Variants in SULF1 observed in about 807,000 individuals in gnomAD.
The protein encoded by SULF1 is extracellular sulfatase Sulf-1.
In SULF1, 46 loss-of-function variants were observed where a neutral mutation model predicts 110.5. The ratio of observed to expected loss-of-function variants is 0.42; its 90% CI spans 0.33 to 0.53. SULF1 has a LOEUF of 0.53. SULF1 is among the 20% of genes least tolerant of loss of function. The probability of loss-of-function intolerance (pLI) is 0.12; values close to 1 mark genes in which losing one functional copy is unlikely to be tolerated. For missense variants in SULF1, 941 were observed against 1,094.2 expected (o/e 0.86, Z 1.98); for synonymous variants, 371 against 387.1 (o/e 0.96, Z 0.49).
At chr8:69,548,127 G>A (rs16936060) in intron 3 of SULF1, among the ~76,000 whole-genome samples, 1,576 of 152,212 alleles carry the variant, frequency 0.01, 28 homozygotes, top group African/African-American at 0.036. Flanking sequence ...AGACCCTCAC[G>A]TCTTCATTCT....
chr8:69,489,847 G>A (rs1226539203), upstream of SULF1, among the ~76,000 whole-genome samples: 1 of 151,832 alleles, frequency 6.6e-6, no homozygotes, highest in Non-Finnish European at 1.5e-5. Flanking sequence ...CCCGGCCCCC[G>A]CCTTCCGTTT....
At chr8:69,475,381 A>G (rs979812325) in intron 1 of SULF1, among the ~76,000 whole-genome samples, 2 of 151,468 alleles carry the variant, frequency 1.3e-5, no homozygotes, top group African/African-American at 4.9e-5. Context: ...AGAGGGGGAT[A>G]ACAAGACAAT....
intron 3 of SULF1, among the ~76,000 whole-genome samples, chr8:69,538,644 A>G (rs1204713931): frequency 6.6e-6 from 1 of 151,848 alleles, no homozygotes; most frequent in South Asian, 2.1e-4. Context: ...AAACCTTCCA[A>G]CACTATAGTC....
At chr8:69,531,338 C>T (rs1238303459) in intron 3 of SULF1, among the ~76,000 whole-genome samples, 1 of 152,116 alleles carries the variant, frequency 6.6e-6, no homozygotes, top group African/African-American at 2.4e-5. Flanking sequence ...ATAACAGTAT[C>T]CCTTTTAAAT....
intron 1 of SULF1, among the ~76,000 whole-genome samples, chr8:69,479,179 T>C (rs1809418651): frequency 3.3e-5 from 5 of 152,180 alleles, no homozygotes; most frequent in African/African-American, 9.7e-5. Context: ...TGAAATTGTA[T>C]AGCTGGGTGT....
At chr8:69,537,652 A>AG (rs1239683880) in intron 3 of SULF1, among the ~76,000 whole-genome samples, 1 of 152,200 alleles carries the variant, frequency 6.6e-6, no homozygotes, top group East Asian at 1.9e-4. Context: ...TTTACCACAA[A>AG]GGGGGAAACA....
intron 5 of SULF1, among the ~76,000 whole-genome samples, chr8:69,573,412 G>A (rs978899609): frequency 3.9e-5 from 6 of 152,152 alleles, no homozygotes; most frequent in East Asian, 1.9e-4. Context: ...TTTCTACCTC[G>A]GTCCCATATT....
At chr8:69,471,026 C>T (rs1164211260) in intron 1 of SULF1, among the ~76,000 whole-genome samples, 1 of 152,024 alleles carries the variant, frequency 6.6e-6, no homozygotes, top group African/African-American at 2.4e-5. Flanking sequence ...TCATCCTTAT[C>T]ACCTCTATAT....
intron 1 of SULF1, among the ~76,000 whole-genome samples, chr8:69,481,736 G>A (rs1026614949): frequency 6.6e-6 from 1 of 152,072 alleles, no homozygotes; most frequent in Non-Finnish European, 1.5e-5. Context: ...CTCTTCCTGA[G>A]TTAGTTTGCT....
At chr8:69,627,091 C>T (rs541199077) in intron 15 of SULF1, 119 bp from the exon 16 acceptor site, 20 of 723,440 alleles carry the variant, frequency 2.8e-5, no homozygotes, top group South Asian at 5.1e-5. Flanking sequence ...ATCAGCTCAA[C>T]GGTTACTGCA....
At position 69,508,509 on chromosome 8, in the gene SULF1, A is replaced by T. The variant is rs71517248; in HGVS notation, c.-134+6541A>T. Reference sequence around the variant, plus strand: ...AAGAAAGTGCTTAATATTCTTTTCTATTTGTTTATTAGTAGCCTTTAAAGA... The same window carrying T: ...AAGAAAGTGCTTAATATTCTTTTCTTTTTGTTTATTAGTAGCCTTTAAAGA... On this transcript the variant is annotated intron_variant, in intron 3 of 22. Transcript: ENST00000402687. 2.6e-3 allele frequency among the ~76,000 whole-genome samples: 390 copies of T among 152,306 alleles called. 2 individuals are homozygous for T. Among genetic ancestry groups the T allele is most frequent in the Non-Finnish European group, 4.1e-3 (277 of 68,020 alleles).
chr8:69,512,756 G>GCTAGGTTCC (rs1451782620), intron 3 of SULF1, among the ~76,000 whole-genome samples: 1 of 151,542 alleles, frequency 6.6e-6, no homozygotes, highest in Non-Finnish European at 1.5e-5. Context: ...TCTCATCTTA[G>GCTAGGTTCC]CTAGGTTCCC....
In SULF1 at chr8:69,603,181, C is replaced by T; in HGVS notation, c.1062-11C>T. ...ATTGGATCTCAGCCATCACCGTGTG[C>T]CCCTTTACAGAGTCCCACAGATCGT... On this transcript the variant is annotated splice_polypyrimidine_tract_variant and intron_variant, in intron 10 of 22. Transcript: ENST00000402687. 1 of 1,614,084 alleles carries T rather than the reference C, an allele frequency of 6.2e-7. No homozygotes were observed. Among genetic ancestry groups the T allele is most frequent in the Non-Finnish European group, 8.5e-7 (1 of 1,179,992 alleles).
intron 1 of SULF1, among the ~76,000 whole-genome samples, chr8:69,467,432 G>C (rs111487314): frequency 1.3e-5 from 2 of 152,214 alleles, no homozygotes; most frequent in Non-Finnish European, 2.9e-5. Flanking sequence ...TTATGACAGA[G>C]CAAAGGGTGT....
chr8:69,561,491 G>T (rs749484762), intron 3 of SULF1, among the ~76,000 whole-genome samples: 173 of 152,242 alleles, frequency 1.1e-3, no homozygotes, highest in Middle Eastern at 0.01. Context: ...ATAAAGAAAA[G>T]AATAACTAGC....
intron 1 of SULF1, among the ~76,000 whole-genome samples, chr8:69,486,597 G>A (rs1412531022): frequency 6.6e-6 from 1 of 152,178 alleles, no homozygotes; most frequent in Non-Finnish European, 1.5e-5. Context: ...AAGCTGGCGA[G>A]GAAGAGAAGA....
intron 3 of SULF1, among the ~76,000 whole-genome samples, chr8:69,538,667 G>T (rs1813636150): frequency 6.6e-6 from 1 of 151,752 alleles, no homozygotes; most frequent in African/African-American, 2.4e-5. Context: ...TTTTCTTTTT[G>T]CAAAGTTTAG....
At chr8:69,520,395 A>G (rs558819312) in intron 3 of SULF1, among the ~76,000 whole-genome samples, 4 of 152,256 alleles carry the variant, frequency 2.6e-5, no homozygotes, top group African/African-American at 9.6e-5. Flanking sequence ...ACCTTCAGCA[A>G]GTCACCTTTT....
intron 1 of SULF1, among the ~76,000 whole-genome samples, chr8:69,477,393 G>A (rs971809879): frequency 2.0e-5 from 3 of 152,158 alleles, no homozygotes; most frequent in Non-Finnish European, 2.9e-5. Flanking sequence ...AGTCTCAGAA[G>A]TGAAATTAAA....
Sources: allele counts gnomAD v4.1 joint callset (sites outside exome capture counted in the v4.1 genomes callset), GRCh38; gene constraint gnomAD v4.1.1; transcripts MANE v1.5; gene names NCBI Gene and HGNC (gene_info 2026-07-23, HGNC 2026-07-21).